The following FAM163A variants were observed in gnomAD, a reference collection of about 807,000 sequenced individuals.
FAM163A encodes family with sequence similarity 163 member A.
A neutral mutation model predicts 12.0 loss-of-function variants in FAM163A; 7 were observed. The observed-to-expected ratio is 0.58, with a 90% CI of 0.33 to 1.10. The LOEUF (loss-of-function observed/expected upper bound fraction) is 1.10, where lower values mean the gene tolerates loss of function less well. Among genes scored for constraint, FAM163A ranks in the 50% least tolerant of loss-of-function variants. The pLI is 0.03. For missense variants in FAM163A, 202 were observed against 218.6 expected, an observed-to-expected ratio of 0.92 and a Z score of 0.48; for synonymous variants, 101 against 91.0, an observed-to-expected ratio of 1.11 and a Z score of -0.62.
intron 1 of FAM163A, among the ~76,000 whole-genome samples, chr1:179,752,293 T>C (rs928612591): frequency 6.6e-6 from 1 of 152,000 alleles, no homozygotes; most frequent in African/African-American, 2.4e-5. Flanking sequence ...ACACAAAAAA[T>C]CAATTCAAAA....
At chr1:179,751,072 T>C (rs1205909098) in intron 1 of FAM163A, among the ~76,000 whole-genome samples, 1 of 151,848 alleles carries the variant, frequency 6.6e-6, no homozygotes, top group Non-Finnish European at 1.5e-5. Flanking sequence ...TGTGAGTGAG[T>C]CTCAGCCAGG....
chr1:179,737,137 T>C, the FAM163A span, among the ~76,000 whole-genome samples: 3 of 151,944 alleles, frequency 2.0e-5, no homozygotes, highest in Admixed American at 1.3e-4. Flanking sequence ...AGGAGAAAAA[T>C]GTATTGTATA....
chr1:179,809,845 C>A (rs1012903654), intron 2 of FAM163A, among the ~76,000 whole-genome samples: 1 of 152,140 alleles, frequency 6.6e-6, no homozygotes, highest in Non-Finnish European at 1.5e-5. Context: ...AGTGAAAGTG[C>A]CTAAGCCTTC....
intron 1 of FAM163A, among the ~76,000 whole-genome samples, chr1:179,807,467 G>A (rs2148350479): frequency 6.6e-6 from 1 of 152,334 alleles, no homozygotes. Context: ...CAGTGGAGCA[G>A]GAGAAAGCCA....
rs1695031471 is a variant in FAM163A, at chr1:179,813,863, C to T, written c.178C>T (p.Pro60Ser). 1 of 1,614,000 alleles carries T rather than the reference C, an allele frequency of 6.2e-7. No individual in the cohort carries two copies. The highest frequency in any genetic ancestry group is 1.3e-5 in the African/African-American group (1 of 75,062). Residue 60 changes from proline (P) to serine (S), a missense_variant, in exon 5 of 5, where the codon CCC (proline) becomes TCC (serine). Transcript: ENST00000341785. The part of the protein sequence containing the change: ...EHDLPTHPRG[P>S]TCNACSSQAL... ...CGACCTTCCCACGCATCCCAGAGGCCCCACCTGCAATGCCTGCAGCTCCCA... is the reference window on the plus strand; with the variant it reads ...CGACCTTCCCACGCATCCCAGAGGCTCCACCTGCAATGCCTGCAGCTCCCA...
At chr1:179,765,757 C>T (rs978599090) in intron 1 of FAM163A, among the ~76,000 whole-genome samples, 4 of 147,300 alleles carry the variant, frequency 2.7e-5, no homozygotes, top group Non-Finnish European at 4.5e-5. Context: ...CTTTCTCTCT[C>T]ACATCCATGG....
intron 4 of FAM163A, 101 bp from the exon 5 acceptor site, chr1:179,813,678 T>A: frequency 7.3e-7 from 1 of 1,375,530 alleles, no homozygotes; most frequent in Non-Finnish European, 1.0e-6. Flanking sequence ...GGCACTAGGT[T>A]CTCCATGGAG....
At chr1:179,733,647 A>G in the FAM163A span, among the ~76,000 whole-genome samples, 5 of 152,146 alleles carry the variant, frequency 3.3e-5, no homozygotes, top group African/African-American at 4.8e-5. Flanking sequence ...CTCAGAACTC[A>G]GCACTCAAAT....
chr1:179,742,101 G>T (rs373359225), upstream of FAM163A: 1 of 152,336 alleles, frequency 6.6e-6, no homozygotes, highest in East Asian at 1.9e-4. Context: ...CCTGTGAGTA[G>T]AGTTAGAGTA....
At chr1:179,800,892 T>G (rs976712732) in intron 1 of FAM163A, among the ~76,000 whole-genome samples, 2 of 152,188 alleles carry the variant, frequency 1.3e-5, no homozygotes, top group African/African-American at 4.8e-5. Context: ...CAAACTCATT[T>G]TCACATGCAT....
At chr1:179,786,104 G>T (rs1347577977) in intron 1 of FAM163A, among the ~76,000 whole-genome samples, 1 of 152,186 alleles carries the variant, frequency 6.6e-6, no homozygotes, top group African/African-American at 2.4e-5. Flanking sequence ...AAAGGGGCTA[G>T]TAATTAATAC....
At chr1:179,800,370 G>T (rs924556388) in intron 1 of FAM163A, among the ~76,000 whole-genome samples, 3 of 152,250 alleles carry the variant, frequency 2.0e-5, no homozygotes, top group African/African-American at 7.2e-5. Flanking sequence ...CAGGATGTAG[G>T]CAGCACCTCT....
chr1:179,766,858 C>T (rs1443626193), intron 1 of FAM163A, among the ~76,000 whole-genome samples: 4 of 152,074 alleles, frequency 2.6e-5, no homozygotes, highest in South Asian at 2.1e-4. Context: ...CGGGTTCAAG[C>T]GATTCTCCTG....
At chr1:179,733,381 G>A in the FAM163A span, among the ~76,000 whole-genome samples, 6 of 152,170 alleles carry the variant, frequency 3.9e-5, no homozygotes, top group South Asian at 1.0e-3. Flanking sequence ...ATAATTCCTG[G>A]TTCCCAAGAA....
chr1:179,755,060 C>T (rs994521402), intron 1 of FAM163A, among the ~76,000 whole-genome samples: 2 of 151,672 alleles, frequency 1.3e-5, no homozygotes, highest in African/African-American at 4.9e-5. Context: ...TTGCTTGAAC[C>T]CAGGAGGCGG....
intron 1 of FAM163A, among the ~76,000 whole-genome samples, chr1:179,756,527 C>G (rs1030501589): frequency 1.9e-4 from 29 of 152,114 alleles, no homozygotes; most frequent in African/African-American, 6.8e-4. Context: ...GGGGAAAGAG[C>G]AGGTAAATGC....
chr1:179,731,450 C>T, the FAM163A span, among the ~76,000 whole-genome samples: 7 of 152,236 alleles, frequency 4.6e-5, no homozygotes, highest in South Asian at 4.2e-4. Context: ...CTCTAGATAG[C>T]GATCATAACA....
chr1:179,790,218 CTTTTTTTTTTTTT>C (rs1168192716), intron 1 of FAM163A, among the ~76,000 whole-genome samples: 2 of 91,676 alleles, frequency 2.2e-5, no homozygotes, highest in African/African-American at 4.6e-5. Flanking sequence ...AGCTGACTTC[CTTTTTTTTTTTTT>C]TTTTTTTTTT....
intron 1 of FAM163A, 84 bp downstream of exon 1, chr1:179,743,507 G>C (rs958084332): frequency 2.0e-5 from 3 of 152,326 alleles, no homozygotes; most frequent in Non-Finnish European, 4.4e-5. Flanking sequence ...CGCCGGGCTC[G>C]GGCTCCGCGC....
Sources: allele counts gnomAD v4.1 joint callset (sites outside exome capture counted in the v4.1 genomes callset), GRCh38; gene constraint gnomAD v4.1.1; transcripts MANE v1.5; gene names NCBI Gene and HGNC (gene_info 2026-07-23, HGNC 2026-07-21).